ASTN2: variants seen among roughly 807,000 people sequenced by gnomAD.
The protein encoded by ASTN2 is astrotactin-2.
ASTN2 carries 54 observed loss-of-function variants against 139.8 expected under a neutral mutation model. The observed-to-expected ratio is 0.39, with a 90% CI of 0.31 to 0.48. The LOEUF is 0.48. Ranked by LOEUF, ASTN2 falls within the 20% of genes least tolerant of loss-of-function variation. The pLI is 0.95. For synonymous variants in ASTN2, 756 were observed against 719.5 expected (o/e 1.05, Z -0.81); for missense variants, 1,565 against 1,725.1 (o/e 0.91, Z 1.64).
chr9:116,725,027 T>C (rs1186891529), intron 16 of ASTN2, among the ~76,000 whole-genome samples: 3 of 152,188 alleles, frequency 2.0e-5, no homozygotes, highest in African/African-American at 7.2e-5. Flanking sequence ...AACACATATA[T>C]ACACATGTGC....
chr9:116,745,504 T>C (rs1184625552), intron 13 of ASTN2, among the ~76,000 whole-genome samples: 2 of 152,194 alleles, frequency 1.3e-5, no homozygotes, highest in Non-Finnish European at 2.9e-5. Flanking sequence ...TTGGCTCTGA[T>C]CTCAAGATCA....
chr9:117,048,535 A>C (rs1254879899), intron 5 of ASTN2, among the ~76,000 whole-genome samples: 1 of 152,190 alleles, frequency 6.6e-6, no homozygotes, highest in Non-Finnish European at 1.5e-5. Flanking sequence ...CTGGCAGCTG[A>C]CATGGAATGG....
intron 4 of ASTN2, among the ~76,000 whole-genome samples, chr9:117,140,651 A>AGGAGG (rs1428126528): frequency 1.3e-5 from 2 of 150,940 alleles, no homozygotes; most frequent in African/African-American, 4.9e-5. Flanking sequence ...GAAAAGGAGG[A>AGGAGG]GGAGGGGAGG....
chr9:117,214,772 G>T (rs7856971), intron 2 of ASTN2, 30 bp from the exon 3 acceptor site: 492,680 of 1,454,260 alleles, frequency 0.34, 84,637 homozygotes, highest in Admixed American at 0.37. Flanking sequence ...CACACAAATG[G>T]GCCACTGTTC....
chr9:117,119,652 C>T (rs1238457518), intron 4 of ASTN2, among the ~76,000 whole-genome samples: 1 of 152,142 alleles, frequency 6.6e-6, no homozygotes, highest in African/African-American at 2.4e-5. Context: ...AATTATTAAA[C>T]CTCTCTGAAT....
chr9:117,094,355 T>C (rs1366450669), intron 5 of ASTN2, among the ~76,000 whole-genome samples: 1 of 152,126 alleles, frequency 6.6e-6, no homozygotes, highest in Non-Finnish European at 1.5e-5. Context: ...CTTTTCTAAG[T>C]TGAACTCCAA....
At chr9:116,526,440 C>G (rs1211991976) in intron 19 of ASTN2, among the ~76,000 whole-genome samples, 2 of 151,794 alleles carry the variant, frequency 1.3e-5, no homozygotes, top group Admixed American at 1.3e-4. Flanking sequence ...GGTAAAACCC[C>G]GTATCTACTA....
At chr9:117,214,307 C>A in intron 3 of ASTN2, 51 bp downstream of exon 3, 7 of 1,531,546 alleles carry the variant, frequency 4.6e-6, no homozygotes, top group Non-Finnish European at 6.2e-6. Flanking sequence ...CACCTCTTCC[C>A]ATCTTTTCAA....
rs116699938 is a variant in ASTN2 at position 117,039,746 on chromosome 9, A to G, written c.1423+73T>C. On this transcript the variant is annotated intron_variant, in intron 6 of 22. Transcript: ENST00000313400. ...TAGTAATTCTAAGGTTTGGCCATACACAGAAACCTTTGACCAGTCAGGGGT... is the reference window on the plus strand; with the variant it reads ...TAGTAATTCTAAGGTTTGGCCATACGCAGAAACCTTTGACCAGTCAGGGGT... 1,076 of 1,487,784 alleles carry G rather than the reference A, an allele frequency of 7.2e-4. 7 individuals carry two copies. In the African/African-American group the frequency reaches 0.014, roughly 19 times the overall value. 92.2% of individuals were successfully genotyped at this position (1,487,784 alleles called of 1,614,324 possible).
chr9:116,535,669 A>C (rs762300830), intron 19 of ASTN2, among the ~76,000 whole-genome samples: 9 of 152,144 alleles, frequency 5.9e-5, no homozygotes, highest in Non-Finnish European at 1.3e-4. Flanking sequence ...TTATTTAAGA[A>C]TGTTGAATAT....
chr9:116,964,221 GTGTGTGT>G (rs1835945395), intron 10 of ASTN2, among the ~76,000 whole-genome samples: 3 of 103,160 alleles, frequency 2.9e-5, no homozygotes, highest in African/African-American at 1.3e-4. Flanking sequence ...CCTGGGGTGT[GTGTGTGT>G]GTGTGTGTGT....
rs199699832 is a variant in ASTN2 at position 116,698,221 on chromosome 9, T to G, written c.2806+27550A>C. 11 of 1,614,078 alleles carry G rather than the reference T, an allele frequency of 6.8e-6. No individual in the cohort carries two copies. The East Asian group carries it at 2.2e-4, about 33-fold the overall frequency. On this transcript the variant is annotated intron_variant, in intron 16 of 22. Coordinates refer to ENST00000313400, the MANE Select transcript of ASTN2 (RefSeq NM_001365068.1). This position sits in a 1 kb window ranked among gnomAD's most constrained non-coding sequence, Gnocchi z 4.4. ...AAGTTAACTCGTCTGCGGGAACTTA[T>G]GGGGGAGCTGCAGCGGCGGAAGGCA...
chr9:116,662,483 G>A (rs977027295), intron 16 of ASTN2, among the ~76,000 whole-genome samples: 1 of 151,982 alleles, frequency 6.6e-6, no homozygotes, highest in Admixed American at 6.6e-5. Context: ...TGAGGCAGGA[G>A]AATCACTTCA....
At chr9:117,141,279 G>C in intron 4 of ASTN2, 47 bp downstream of exon 4, 1 of 1,357,266 alleles carries the variant, frequency 7.4e-7, no homozygotes, top group South Asian at 1.2e-5. Context: ...TTTGGAATCA[G>C]AGGACAACCT....
intron 1 of ASTN2, among the ~76,000 whole-genome samples, chr9:117,341,818 A>G (rs933868841): frequency 3.9e-5 from 6 of 152,144 alleles, no homozygotes; most frequent in Admixed American, 2.0e-4. Context: ...TAATGGGAAA[A>G]TCCTGCCTTG....
At chr9:116,638,660 G>A (rs928788613) in intron 17 of ASTN2, among the ~76,000 whole-genome samples, 1 of 152,104 alleles carries the variant, frequency 6.6e-6, no homozygotes, top group African/African-American at 2.4e-5. Flanking sequence ...CAGGTTGTGG[G>A]GAACTCTGCA....
chr9:116,436,504 CACTA>C (rs1847653797), intron 22 of ASTN2, among the ~76,000 whole-genome samples: 2 of 152,168 alleles, frequency 1.3e-5, no homozygotes, highest in African/African-American at 4.8e-5. Context: ...CATAAGGGAT[CACTA>C]ACTATACATA....
chr9:117,212,678 C>T (rs574655201), intron 3 of ASTN2, among the ~76,000 whole-genome samples: 5 of 152,118 alleles, frequency 3.3e-5, no homozygotes, highest in Admixed American at 2.0e-4. Context: ...AACAAATATA[C>T]GAAAACATGC....
chr9:116,796,570 C>T (rs1318491250), intron 13 of ASTN2, among the ~76,000 whole-genome samples: 1 of 151,994 alleles, frequency 6.6e-6, no homozygotes, highest in East Asian at 1.9e-4. Flanking sequence ...GAAGAATGGC[C>T]AAGGGTGATA....
Sources: allele counts gnomAD v4.1 joint callset (sites outside exome capture counted in the v4.1 genomes callset), GRCh38; gene constraint gnomAD v4.1.1; non-coding constraint Gnocchi (gnomAD v3.1); transcripts MANE v1.5; gene names NCBI Gene and HGNC (gene_info 2026-07-23, HGNC 2026-07-21).